Variants in MDGA2 observed in about 807,000 individuals in gnomAD.
The protein encoded by MDGA2 is MAM domain containing glycosylphosphatidylinositol anchor 2, also known as MAM domain-containing glycosylphosphatidylinositol anchor protein 2.
A neutral mutation model predicts 117.8 loss-of-function variants in MDGA2; 40 were observed. The ratio of observed to expected loss-of-function variants is 0.34; its 90% confidence interval spans 0.26 to 0.44. The LOEUF is 0.44. Ranked by LOEUF, MDGA2 falls within the 20% of genes least tolerant of loss-of-function variation. The pLI is 1.00. For synonymous variants in MDGA2, 452 were observed against 439.0 expected (o/e 1.03, Z -0.37); for missense variants, 1,123 against 1,250.6 (o/e 0.90, Z 1.54).
At chr14:47,284,030 A>G (rs546977620) in intron 2 of MDGA2, among the ~76,000 whole-genome samples, 1 of 152,196 alleles carries the variant, frequency 6.6e-6, no homozygotes, top group East Asian at 1.9e-4. Flanking sequence ...GTCCCCAACA[A>G]TCTAGGTGGC....
At chr14:47,411,737 T>C (rs1480964323) in intron 1 of MDGA2, among the ~76,000 whole-genome samples, 1 of 152,162 alleles carries the variant, frequency 6.6e-6, no homozygotes, top group African/African-American at 2.4e-5. Context: ...AGCCATCTGC[T>C]CTACTGGTCT....
intron 3 of MDGA2, 80 bp downstream of exon 3, chr14:47,217,940 GT>G: frequency 5.1e-6 from 6 of 1,186,406 alleles, no homozygotes; most frequent in East Asian, 2.8e-5. Flanking sequence ...GAACGCTATG[GT>G]TTTTCAGAAA....
At chr14:47,220,777 C>T (rs1886269662) in intron 2 of MDGA2, among the ~76,000 whole-genome samples, 2 of 152,094 alleles carry the variant, frequency 1.3e-5, no homozygotes, top group Admixed American at 1.3e-4. Context: ...TCATCTCCAA[C>T]ACGGAAAGCT....
intron 5 of MDGA2, among the ~76,000 whole-genome samples, chr14:47,103,974 CA>C (rs1394369669): frequency 6.6e-6 from 1 of 152,146 alleles, no homozygotes; most frequent in Non-Finnish European, 1.5e-5. Context: ...CAGAAGTTTA[CA>C]ACTTAACAAG....
At chr14:47,383,362 G>GA (rs1450067722) in intron 1 of MDGA2, among the ~76,000 whole-genome samples, 1 of 151,600 alleles carries the variant, frequency 6.6e-6, no homozygotes, top group Non-Finnish European at 1.5e-5. Context: ...AAAAAGAAAA[G>GA]AAAAATATAC....
chr14:46,842,057 G>T lies in MDGA2; in HGVS notation c.2990-38C>A, dbSNP rs191913368. 3.5e-4 allele frequency: 501 copies of T among 1,436,082 alleles called. 3 individuals are homozygous for T. The East Asian group carries it at 6.0e-3, about 17-fold the overall frequency. 89.0% of individuals were successfully genotyped at this position (1,436,082 alleles called of 1,614,324 possible). ...AAAATAAATGCAAACAAAAAAAGAA[G>T]AATAATAAGCATTCCACGTAGCTAC... On this transcript the variant is annotated intron_variant, in intron 16 of 16. Coordinates refer to ENST00000399232, the MANE Select transcript of MDGA2 (RefSeq NM_001113498.3).
rs568006276 is a variant in MDGA2, at chr14:47,419,004, G to A, written c.281-117454C>T. ...AAGGATTAAAGACAGATTAAATGGAGGTTAAATTTAAAGAGTATTCAGACG... is the reference window on the plus strand; with the variant it reads ...AAGGATTAAAGACAGATTAAATGGAAGTTAAATTTAAAGAGTATTCAGACG... On this transcript the variant is annotated intron_variant, in intron 1 of 16. Transcript: ENST00000399232. Among the ~76,000 whole-genome samples the A allele has an allele frequency of 5.3e-5, 8 of 152,252 alleles. No individual in the cohort carries two copies. The South Asian group carries it at 1.5e-3, about 28-fold the overall frequency.
intron 6 of MDGA2, among the ~76,000 whole-genome samples, chr14:47,093,343 T>C (rs1162150197): frequency 1.3e-5 from 2 of 152,142 alleles, no homozygotes; most frequent in South Asian, 2.1e-4. Flanking sequence ...TGTCTTGGTA[T>C]TTTGAACCAT....
intron 6 of MDGA2, among the ~76,000 whole-genome samples, chr14:47,094,953 G>C (rs1195033739): frequency 6.6e-6 from 1 of 151,950 alleles, no homozygotes; most frequent in Non-Finnish European, 1.5e-5. Flanking sequence ...AAAAATAAAA[G>C]TTGGATACTT....
chr14:47,427,596 G>T (rs1892716922), intron 1 of MDGA2, among the ~76,000 whole-genome samples: 1 of 152,140 alleles, frequency 6.6e-6, no homozygotes. Flanking sequence ...CTCAGTAGAA[G>T]CAAGAATTAA....
chr14:47,627,197 C>T (rs149795400), intron 1 of MDGA2, among the ~76,000 whole-genome samples: 8,201 of 148,802 alleles, frequency 0.055, 279 homozygotes, highest in Middle Eastern at 0.092. Flanking sequence ...ATCAGCACCC[C>T]GTGCCTAGCT....
intron 1 of MDGA2, among the ~76,000 whole-genome samples, chr14:47,663,077 C>T (rs990317586): frequency 5.3e-5 from 8 of 152,014 alleles, no homozygotes; most frequent in South Asian, 2.1e-4. Context: ...ACAATAATGG[C>T]GTAGAGTAAC....
chr14:47,211,852 A>G (rs1861725429), intron 3 of MDGA2, among the ~76,000 whole-genome samples: 1 of 152,188 alleles, frequency 6.6e-6, no homozygotes, highest in African/African-American at 2.4e-5. Context: ...TTAGCATATC[A>G]TTCACTGTTG....
At chr14:46,994,530 C>T (rs1015143078) in intron 8 of MDGA2, among the ~76,000 whole-genome samples, 1 of 151,982 alleles carries the variant, frequency 6.6e-6, no homozygotes, top group Non-Finnish European at 1.5e-5. Context: ...CACACACACA[C>T]ACACACACAC....
intron 2 of MDGA2, among the ~76,000 whole-genome samples, chr14:47,280,497 C>A (rs1888451988): frequency 6.6e-6 from 1 of 151,938 alleles, no homozygotes; most frequent in African/African-American, 2.4e-5. Context: ...AGGTGTTTTA[C>A]TATGATTAAA....
At chr14:46,902,985 C>A (rs2138452833) in intron 10 of MDGA2, among the ~76,000 whole-genome samples, 1 of 152,330 alleles carries the variant, frequency 6.6e-6, no homozygotes, top group Admixed American at 6.5e-5. Context: ...CCGGCCTACA[C>A]ACTGCAAGAA....
chr14:47,405,118 T>C (rs1333676808), intron 1 of MDGA2, among the ~76,000 whole-genome samples: 1 of 152,230 alleles, frequency 6.6e-6, no homozygotes, highest in East Asian at 1.9e-4. Flanking sequence ...AATAAATATA[T>C]GCATTATGCT....
intron 1 of MDGA2, among the ~76,000 whole-genome samples, chr14:47,503,970 T>A (rs1894457219): frequency 6.6e-6 from 1 of 152,198 alleles, no homozygotes; most frequent in Non-Finnish European, 1.5e-5. Flanking sequence ...TAGAGCCTAG[T>A]ACCAAAAATA....
At chr14:47,314,253 G>T (rs4319671) in intron 1 of MDGA2, among the ~76,000 whole-genome samples, 56,023 of 151,992 alleles carry the variant, frequency 0.37, 10,651 homozygotes, top group East Asian at 0.52. Context: ...ATGGAACCAT[G>T]TCCCACCCAT....
Sources: allele counts gnomAD v4.1 joint callset (sites outside exome capture counted in the v4.1 genomes callset), GRCh38; gene constraint gnomAD v4.1.1; transcripts MANE v1.5; gene names NCBI Gene and HGNC (gene_info 2026-07-23, HGNC 2026-07-21).